The following LDLRAD4 variants were observed in gnomAD, a reference collection of about 807,000 sequenced individuals.
The protein encoded by LDLRAD4 is low density lipoprotein receptor class A domain containing 4, also known as low-density lipoprotein receptor class A domain-containing protein 4.
Under a neutral mutation model 17.0 loss-of-function variants are expected in LDLRAD4, and 5 were observed. The ratio of observed to expected loss-of-function variants is 0.29; its 90% confidence interval spans 0.15 to 0.62. The LOEUF (loss-of-function observed/expected upper bound fraction) is 0.62, where lower values mean the gene tolerates loss of function less well. Among genes scored for constraint, LDLRAD4 ranks in the 20% least tolerant of loss-of-function variants. The pLI, the probability that LDLRAD4 is intolerant of heterozygous loss-of-function variation, is 0.84. For missense variants in LDLRAD4, 340 were observed against 424.7 expected, an observed-to-expected ratio of 0.80 and a Z score of 1.75; for synonymous variants, 168 against 171.8, an observed-to-expected ratio of 0.98 and a Z score of 0.17.
chr18:13,504,492 A>G (rs2093659950), intron 3 of LDLRAD4, among the ~76,000 whole-genome samples: 1 of 152,198 alleles, frequency 6.6e-6, no homozygotes, highest in Non-Finnish European at 1.5e-5. Flanking sequence ...CAGTGGCACG[A>G]TCTCAGCTCA....
chr18:13,322,784 ATTTTTTTT>A (rs34579599), intron 1 of LDLRAD4, among the ~76,000 whole-genome samples: 1 of 130,428 alleles, frequency 7.7e-6, no homozygotes, highest in Non-Finnish European at 1.6e-5. Context: ...TACATGGCTA[ATTTTTTTT>A]TTTTTTTTTT....
intron 3 of LDLRAD4, among the ~76,000 whole-genome samples, chr18:13,583,739 G>A (rs778212909): frequency 3.3e-5 from 5 of 152,154 alleles, no homozygotes; most frequent in African/African-American, 9.7e-5. Context: ...CGGCCGCGCC[G>A]AAGCCTGCTT....
chr18:13,377,489 G>A (rs1251617913), intron 1 of LDLRAD4, among the ~76,000 whole-genome samples: 2 of 152,152 alleles, frequency 1.3e-5, no homozygotes, highest in East Asian at 3.9e-4. Flanking sequence ...TTCCTAGGGT[G>A]GCACGCGATT....
chr18:13,266,216 TC>T (rs900480130), intron 1 of LDLRAD4, among the ~76,000 whole-genome samples: 6 of 152,050 alleles, frequency 3.9e-5, no homozygotes, highest in African/African-American at 1.4e-4. Flanking sequence ...TTTTTAGGGC[TC>T]CCCCGACTTC....
intron 1 of LDLRAD4, among the ~76,000 whole-genome samples, chr18:13,385,920 C>T (rs2085765139): frequency 6.6e-6 from 1 of 152,120 alleles, no homozygotes; most frequent in Non-Finnish European, 1.5e-5. Context: ...TGGGCCATAC[C>T]TTATTAACTG....
intron 1 of LDLRAD4, among the ~76,000 whole-genome samples, chr18:13,232,408 T>C (rs973037026): frequency 3.2e-4 from 48 of 152,228 alleles, no homozygotes; most frequent in African/African-American, 1.1e-3. Flanking sequence ...TGTTCGGCTG[T>C]GGATGCAAGT....
At chr18:13,576,610 G>A (rs754178453) in intron 3 of LDLRAD4, among the ~76,000 whole-genome samples, 8 of 152,134 alleles carry the variant, frequency 5.3e-5, no homozygotes, top group Non-Finnish European at 1.0e-4. Context: ...GGTGCTGTCC[G>A]GGGTCAGTTC....
At chr18:13,324,831 G>A (rs1299524353) in intron 1 of LDLRAD4, among the ~76,000 whole-genome samples, 1 of 152,192 alleles carries the variant, frequency 6.6e-6, no homozygotes, top group Admixed American at 6.5e-5. Flanking sequence ...AGGAGGGGAA[G>A]GTGGAAAGAA....
chr18:13,604,193 T>C (rs1164241809), intron 3 of LDLRAD4, among the ~76,000 whole-genome samples: 1 of 152,240 alleles, frequency 6.6e-6, no homozygotes, highest in East Asian at 1.9e-4. Context: ...GCCTTGACTT[T>C]ATCACAACTT....
chr18:13,538,293 A>G (rs535243450), intron 3 of LDLRAD4, among the ~76,000 whole-genome samples: 1 of 152,304 alleles, frequency 6.6e-6, no homozygotes, highest in Non-Finnish European at 1.5e-5. Context: ...CTTTTATAAC[A>G]CAAGCACTTG....
chr18:13,458,288 C>T (rs1473963229), intron 3 of LDLRAD4, among the ~76,000 whole-genome samples: 2 of 152,110 alleles, frequency 1.3e-5, no homozygotes, highest in African/African-American at 2.4e-5. Context: ...AGAAGTAGAG[C>T]GGCGCGCTGC....
At chr18:13,278,241 C>T (rs1046533793) in intron 1 of LDLRAD4, 53 bp downstream of exon 2, 2 of 152,344 alleles carry the variant, frequency 1.3e-5, no homozygotes, top group African/African-American at 4.8e-5. Context: ...GGAAGCAGAG[C>T]TTGTCGCGGC....
chr18:13,597,973 A>C (rs1188270286), intron 3 of LDLRAD4, among the ~76,000 whole-genome samples: 1 of 152,170 alleles, frequency 6.6e-6, no homozygotes, highest in Non-Finnish European at 1.5e-5. Flanking sequence ...TTCTTTGAAC[A>C]TACTTGTAAT....
At chr18:13,566,920 A>G (rs148652175) in intron 3 of LDLRAD4, among the ~76,000 whole-genome samples, 97 of 152,364 alleles carry the variant, frequency 6.4e-4, no homozygotes, top group African/African-American at 2.1e-3. Context: ...TAGAAATTCA[A>G]TGGACTCAGT....
chr18:13,477,682 A>G (rs1008444233), intron 3 of LDLRAD4, among the ~76,000 whole-genome samples: 2 of 152,226 alleles, frequency 1.3e-5, no homozygotes, highest in Non-Finnish European at 2.9e-5. Context: ...TTGGAGAGCA[A>G]AGAAGTGAGC....
intron 1 of LDLRAD4, among the ~76,000 whole-genome samples, chr18:13,228,851 A>C (rs2041934315): frequency 6.6e-6 from 1 of 152,242 alleles, no homozygotes. Flanking sequence ...TTGTGTATGT[A>C]CAGTTACAAC....
intron 3 of LDLRAD4, among the ~76,000 whole-genome samples, chr18:13,439,051 AG>A (rs1347261921): frequency 2.6e-5 from 4 of 152,182 alleles, no homozygotes; most frequent in African/African-American, 9.6e-5. Flanking sequence ...GGCTAAGTGA[AG>A]GGGGTTGAGG....
intron 1 of LDLRAD4, among the ~76,000 whole-genome samples, chr18:13,286,190 T>G (rs1019346152): frequency 4.6e-5 from 7 of 152,246 alleles, no homozygotes; most frequent in African/African-American, 1.7e-4. Flanking sequence ...CATGCAGTAT[T>G]TGTCCTTTTG....
intron 1 of LDLRAD4, among the ~76,000 whole-genome samples, chr18:13,323,394 T>C (rs1330187790): frequency 1.3e-5 from 2 of 152,176 alleles, no homozygotes; most frequent in African/African-American, 4.8e-5. Context: ...GCAGGACTGG[T>C]AATTAGGAGA....
Sources: gnomAD v4.1 joint callset for allele counts (sites outside exome capture counted in the v4.1 genomes callset) on GRCh38, gnomAD v4.1.1 for gene constraint, MANE v1.5 for transcripts, NCBI Gene and HGNC (gene_info 2026-07-23, HGNC 2026-07-21) for gene names.